Variants in PLPPR4 observed in about 807,000 individuals in gnomAD.
PLPPR4 encodes phospholipid phosphatase-related protein type 4.
A neutral mutation model predicts 56.6 loss-of-function variants in PLPPR4; 24 were observed. The observed-to-expected ratio is 0.42, with a 90% CI of 0.31 to 0.60. The LOEUF is 0.60. Ranked by LOEUF, PLPPR4 falls within the 20% of genes least tolerant of loss-of-function variation. The pLI, the probability that PLPPR4 is intolerant of heterozygous loss-of-function variation, is 0.13. For synonymous variants in PLPPR4, 326 were observed against 328.1 expected (o/e 0.99, Z 0.07); for missense variants, 654 against 885.8 (o/e 0.74, Z 3.32).
chr1:99,286,979 A>G (rs1659478784), intron 1 of PLPPR4, among the ~76,000 whole-genome samples: 1 of 152,140 alleles, frequency 6.6e-6, no homozygotes, highest in South Asian at 2.1e-4. Flanking sequence ...TTACATAAGC[A>G]TATGTGTGCC....
At chr1:99,296,238 T>C (rs905703575) in intron 2 of PLPPR4, among the ~76,000 whole-genome samples, 2 of 152,222 alleles carry the variant, frequency 1.3e-5, no homozygotes, top group African/African-American at 2.4e-5. Flanking sequence ...GTGTATTTAA[T>C]TTTTAAATAA....
chr1:99,295,250 A>C (rs1216143015), intron 2 of PLPPR4, among the ~76,000 whole-genome samples: 1 of 152,218 alleles, frequency 6.6e-6, no homozygotes, highest in African/African-American at 2.4e-5. Context: ...TTACTCTTTA[A>C]ATTTTTAATA....
intron 1 of PLPPR4, among the ~76,000 whole-genome samples, chr1:99,277,467 G>T (rs983182390): frequency 6.6e-6 from 1 of 152,172 alleles, no homozygotes; most frequent in Non-Finnish European, 1.5e-5. Context: ...TCTTCAATTA[G>T]GGTATGGACA....
intron 4 of PLPPR4, among the ~76,000 whole-genome samples, chr1:99,299,450 C>G (rs1208273748): frequency 1.3e-5 from 2 of 151,976 alleles, no homozygotes; most frequent in African/African-American, 4.8e-5. Context: ...ATTTTTGCTA[C>G]TAGTCCCTAT....
At chr1:99,265,865 A>C (rs923471043) in intron 1 of PLPPR4, among the ~76,000 whole-genome samples, 1 of 152,202 alleles carries the variant, frequency 6.6e-6, no homozygotes, top group Non-Finnish European at 1.5e-5. Flanking sequence ...GTTTTGTAGA[A>C]GTGTCATAGA....
chr1:99,287,857 C>A, intron 1 of PLPPR4, 108 bp from the exon 2 acceptor site: 1 of 797,218 alleles, frequency 1.3e-6, no homozygotes, highest in Non-Finnish European at 2.0e-6. Flanking sequence ...ATTTTTAACT[C>A]TGGAATCGGA....
intron 1 of PLPPR4, among the ~76,000 whole-genome samples, chr1:99,274,910 C>T (rs1273859847): frequency 6.6e-6 from 1 of 152,096 alleles, no homozygotes; most frequent in African/African-American, 2.4e-5. Flanking sequence ...ACTGAGCCAT[C>T]TGTGAAATAA....
At chr1:99,280,944 T>C (rs1395998307) in intron 1 of PLPPR4, among the ~76,000 whole-genome samples, 6 of 152,292 alleles carry the variant, frequency 3.9e-5, no homozygotes, top group Non-Finnish European at 8.8e-5. Context: ...TTGTTATTAA[T>C]GGGGCACCAT....
rs188471648 is a variant in PLPPR4, at chr1:99,302,002, A to G, written c.822+105A>G. ...CCTTGCGATATATTTTATATAAATG[A>G]GAAAATCTCTGGCCGCATCTCCATT... is the stretch of plus-strand genomic sequence containing the variant. On this transcript the variant is annotated intron_variant, in intron 6 of 6. Transcript: ENST00000370185. 802 of 721,592 alleles carry G rather than the reference A, an allele frequency of 1.1e-3. 1 individual carries two copies. The highest frequency in any genetic ancestry group is 1.6e-3 in the Admixed American group (49 of 31,036). 44.7% of individuals were successfully genotyped at this position (721,592 alleles called of 1,614,324 possible). A position where few individuals can be genotyped will look rare whatever the true frequency, so the allele number is the denominator to read the frequency against.
chr1:99,299,293 T>TG, intron 4 of PLPPR4, 63 bp downstream of exon 4: 10 of 1,253,344 alleles, frequency 8.0e-6, no homozygotes, highest in South Asian at 1.2e-5. Flanking sequence ...CTGCTTGGAG[T>TG]ATCACTTTAA....
Position 99,296,708 on chromosome 1 carries a change from CTCTTCCTGAATACCCTTCTA to C in PLPPR4, c.265-25_265-6del. On this transcript the variant is annotated splice_polypyrimidine_tract_variant and intron_variant, in intron 2 of 6. Coordinates refer to ENST00000370185, the MANE Select transcript of PLPPR4 (RefSeq NM_014839.5). ...TGGCTTAATAGGTATTCCAACATGCCTCTTCCTGAATACCCTTCTATCTTTGCAGATTATGGTAGGAGAAG... is the reference window on the plus strand; with the variant it reads ...TGGCTTAATAGGTATTCCAACATGCCTCTTTGCAGATTATGGTAGGAGAAG... The C allele has an allele frequency of 6.5e-7, 1 of 1,543,276 alleles. No individual in the cohort carries two copies. The highest frequency in any genetic ancestry group is 8.8e-7 in the Non-Finnish European group (1 of 1,138,380).
chr1:99,302,026 T>G, intron 6 of PLPPR4, 129 bp downstream of exon 6: 1 of 551,306 alleles, frequency 1.8e-6, no homozygotes. Flanking sequence ...CGCATCTCCA[T>G]TCTATGCCAA....
At position 99,290,149 on chromosome 1, in the gene PLPPR4, C is replaced by G. The variant is rs572035608; in HGVS notation, c.264+1999C>G. Reference sequence around the variant, plus strand: ...CACTAGCAATCCTATACCCCAACAACAGTTAAGCTGAGAGCCAAATCAAAA... The same window carrying G: ...CACTAGCAATCCTATACCCCAACAAGAGTTAAGCTGAGAGCCAAATCAAAA... On this transcript the variant is annotated intron_variant, in intron 2 of 6. Coordinates refer to ENST00000370185, the MANE Select transcript of PLPPR4 (RefSeq NM_014839.5). 3.3e-5 allele frequency among the ~76,000 whole-genome samples: 5 copies of G among 152,138 alleles called. No homozygotes were observed. The South Asian group carries it at 8.3e-4, about 25-fold the overall frequency.
At position 99,308,584 on chromosome 1, in the gene PLPPR4, T is replaced by C. The variant is rs931018319; in HGVS notation, c.*1574T>C. ...AGGGGATGAAAGGAAACAACAGAGA[T>C]GGTTGATCTGATCTTAGCTCACTTT... is the stretch of plus-strand genomic sequence containing the variant. On this transcript the variant is annotated 3_prime_UTR_variant, in exon 7 of 7. Transcript: ENST00000370185. 6.6e-6 allele frequency: 1 copy of C among 152,614 alleles called. No homozygotes were observed. The highest frequency in any genetic ancestry group is 6.5e-5 in the Admixed American group (1 of 15,270). The allele number at this position is 152,614 out of a possible 1,614,324, so 9.5% of individuals were successfully genotyped here.
chr1:99,287,850 T>C (rs2100798335), intron 1 of PLPPR4, 115 bp from the exon 2 acceptor site: 1 of 768,748 alleles, frequency 1.3e-6, no homozygotes. Flanking sequence ...ATGAATGATT[T>C]TTAACTCTGG....
Position 99,306,016 on chromosome 1 carries a change from C to T in PLPPR4, c.1154C>T (p.Ala385Val), listed in dbSNP as rs765976131. ...GTAGAAGACCCTGTCAGAAGAAATG[C>T]GAGCATTCATGCCTCTATGGATTCC... ...PSVEDPVRRNASIHASMDSAR... is the reference protein window; with the variant it reads ...PSVEDPVRRNVSIHASMDSAR... The change falls in exon 7 of 7, where the codon GCG becomes GTG. Residue 385 changes from alanine (A) to valine (V), a missense_variant. Around this residue, in one of 2 missense-constraint regions of PLPPR4, gnomAD observed 468 missense variants for 554.3 expected, o/e 0.84. Transcript: ENST00000370185. The surrounding 1 kb of genome is among the most constrained non-coding windows in gnomAD (Gnocchi z 4.0). 1.5e-5 allele frequency: 25 copies of T among 1,614,022 alleles called. 1 individual carries two copies. In the Admixed American group the frequency reaches 3.7e-4, roughly 24 times the overall value.
intron 2 of PLPPR4, among the ~76,000 whole-genome samples, chr1:99,292,165 C>T (rs919325802): frequency 4.6e-5 from 7 of 152,076 alleles, no homozygotes; most frequent in East Asian, 1.9e-4. Context: ...ATCTAGAAGT[C>T]TTTCTCCTCC....
intron 1 of PLPPR4, among the ~76,000 whole-genome samples, chr1:99,268,786 C>T (rs1658974255): frequency 6.6e-6 from 1 of 152,248 alleles, no homozygotes; most frequent in Non-Finnish European, 1.5e-5. Flanking sequence ...AAGAGAAAAG[C>T]AGGTAAAAAG....
chr1:99,305,712 C>T lies in PLPPR4; in HGVS notation c.850C>T (p.Pro284Ser). The change falls in exon 7 of 7, where the codon CCC becomes TCC. Residue 284 changes from proline (P) to serine (S), a missense_variant. By Grantham distance (74) the Pro-to-Ser change is moderately conservative. Around this residue, in one of 2 missense-constraint regions of PLPPR4, gnomAD observed 468 missense variants for 554.3 expected, o/e 0.84. Coordinates refer to ENST00000370185, the MANE Select transcript of PLPPR4 (RefSeq NM_014839.5). Reference sequence around the variant, plus strand: ...CTTGTATGCTGTGGGGAATTTCCTGCCCAGTGATGAGAGTATGTTTCAGCA... The same window carrying T: ...CTTGTATGCTGTGGGGAATTTCCTGTCCAGTGATGAGAGTATGTTTCAGCA... ...LGLYAVGNFL[P>S]SDESMFQHRD... 1 of 1,613,444 alleles carries T rather than the reference C, an allele frequency of 6.2e-7. No homozygotes were observed. The highest frequency in any genetic ancestry group is 8.5e-7 in the Non-Finnish European group (1 of 1,179,742).
Sources: allele counts gnomAD v4.1 joint callset (sites outside exome capture counted in the v4.1 genomes callset), GRCh38; gene constraint gnomAD v4.1.1; regional missense constraint gnomAD v4.1.1; non-coding constraint Gnocchi (gnomAD v3.1); transcripts MANE v1.5; gene names NCBI Gene and HGNC (gene_info 2026-07-23, HGNC 2026-07-21).